FHIT: variants seen among roughly 807,000 people sequenced by gnomAD.
FHIT encodes bis(5'-adenosyl)-triphosphatase.
A neutral mutation model predicts 17.9 loss-of-function variants in FHIT; 19 were observed. The observed-to-expected ratio is 1.06, with a 90% CI of 0.74 to 1.56. The LOEUF (loss-of-function observed/expected upper bound fraction) is 1.56. FHIT is among the 40% of genes most tolerant of loss of function. The probability of loss-of-function intolerance (pLI) is 0.00; values close to 1 mark genes in which losing one functional copy is unlikely to be tolerated. For missense variants in FHIT, 248 were observed against 189.2 expected (o/e 1.31, Z -1.82); for synonymous variants, 81 against 69.7 (o/e 1.16, Z -0.81).
intron 2 of FHIT, among the ~76,000 whole-genome samples, chr3:61,070,514 G>A (rs1484743648): frequency 6.6e-6 from 1 of 152,164 alleles, no homozygotes. Flanking sequence ...GATCTTGGCT[G>A]CTTCTAATTC....
chr3:60,629,689 C>T (rs1408246046), intron 4 of FHIT, among the ~76,000 whole-genome samples: 1 of 152,128 alleles, frequency 6.6e-6, no homozygotes, highest in African/African-American at 2.4e-5. Flanking sequence ...CCGTCACTGG[C>T]CAGATTCTAG....
At chr3:60,526,300 T>C (rs560133234) in intron 5 of FHIT, among the ~76,000 whole-genome samples, 1 of 152,200 alleles carries the variant, frequency 6.6e-6, no homozygotes, top group African/African-American at 2.4e-5. Flanking sequence ...CCCCCGTTTG[T>C]TTCTGAGGAT....
At chr3:60,461,095 C>T (rs187166046) in intron 5 of FHIT, among the ~76,000 whole-genome samples, 9 of 152,166 alleles carry the variant, frequency 5.9e-5, no homozygotes, top group African/African-American at 1.9e-4. Flanking sequence ...TCCCATTTCA[C>T]TATGGTAACT....
chr3:60,031,084 T>A (rs530936317), intron 5 of FHIT, among the ~76,000 whole-genome samples: 1 of 152,206 alleles, frequency 6.6e-6, no homozygotes, highest in African/African-American at 2.4e-5. Context: ...TGCAGCAGCA[T>A]GTGTGAAAAC....
chr3:60,195,090 C>T (rs1702567070), intron 5 of FHIT, among the ~76,000 whole-genome samples: 1 of 152,026 alleles, frequency 6.6e-6, no homozygotes, highest in South Asian at 2.1e-4. Context: ...CACTTGAACC[C>T]AGAAGGCGGA....
intron 4 of FHIT, among the ~76,000 whole-genome samples, chr3:60,755,121 C>G (rs1206262662): frequency 6.6e-6 from 1 of 152,162 alleles, no homozygotes; most frequent in Non-Finnish European, 1.5e-5. Flanking sequence ...CTACCAATAC[C>G]TCAAGGTCCA....
chr3:60,943,262 T>A (rs1429719124), intron 3 of FHIT, among the ~76,000 whole-genome samples: 5 of 152,084 alleles, frequency 3.3e-5, no homozygotes, highest in Non-Finnish European at 7.4e-5. Context: ...ACTGTGTCAA[T>A]TTTTACTTTC....
intron 7 of FHIT, among the ~76,000 whole-genome samples, chr3:59,926,941 T>A (rs1391490827): frequency 6.6e-6 from 1 of 152,032 alleles, no homozygotes; most frequent in South Asian, 2.1e-4. Context: ...GAACATGGAG[T>A]TACCTTGTGA....
At chr3:61,141,290 C>T (rs1227837995) in intron 2 of FHIT, among the ~76,000 whole-genome samples, 1 of 152,082 alleles carries the variant, frequency 6.6e-6, no homozygotes, top group Non-Finnish European at 1.5e-5. Flanking sequence ...TGCTTCCTTC[C>T]ACCTATTGTG....
rs563585066 is a variant in FHIT, at chr3:60,601,651, T to A, written c.-17-64672A>T. ...ATGACTACCATGCAAACTTACTACC[T>A]GAATGAGGAGAGGGTGGGGAATGGC... is the stretch of plus-strand genomic sequence containing the variant. On this transcript the variant is annotated intron_variant, in intron 4 of 9. Transcript: ENST00000492590. Among the ~76,000 whole-genome samples the A allele has an allele frequency of 1.2e-4, 19 of 152,096 alleles. No homozygotes were observed. In the East Asian group the frequency reaches 3.5e-3, roughly 28 times the overall value.
At chr3:60,695,284 T>C (rs1188569223) in intron 4 of FHIT, among the ~76,000 whole-genome samples, 2 of 152,028 alleles carry the variant, frequency 1.3e-5, no homozygotes, top group Non-Finnish European at 1.5e-5. Flanking sequence ...TAATCTCAGC[T>C]ACTTGGGAGG....
intron 8 of FHIT, among the ~76,000 whole-genome samples, chr3:59,874,104 C>T (rs1214035621): frequency 6.6e-6 from 1 of 152,054 alleles, no homozygotes; most frequent in Non-Finnish European, 1.5e-5. Flanking sequence ...CTATCCTCGC[C>T]TCTCAAAAAA....
chr3:61,219,917 G>C (rs1576249061), intron 1 of FHIT, among the ~76,000 whole-genome samples: 2 of 152,156 alleles, frequency 1.3e-5, no homozygotes, highest in Non-Finnish European at 2.9e-5. Context: ...TCTTATCCCA[G>C]TAGAAACCTT....
At chr3:60,548,968 G>T (rs573246231) in intron 4 of FHIT, among the ~76,000 whole-genome samples, 2 of 152,278 alleles carry the variant, frequency 1.3e-5, no homozygotes, top group East Asian at 3.9e-4. Flanking sequence ...ACTCAGGCAA[G>T]TTCCTTAGCT....
At chr3:61,208,120 T>C (rs146317771) in intron 1 of FHIT, among the ~76,000 whole-genome samples, 65,751 of 151,904 alleles carry the variant, frequency 0.43, 14,634 homozygotes, top group East Asian at 0.58. Flanking sequence ...TGTAATTGAG[T>C]GGTTTTGAGT....
intron 8 of FHIT, among the ~76,000 whole-genome samples, chr3:59,921,818 T>C (rs1366622385): frequency 2.0e-5 from 3 of 152,214 alleles, no homozygotes; most frequent in Admixed American, 1.3e-4. Flanking sequence ...TGGGAGTACT[T>C]AGAAATAAAT....
In FHIT at chr3:60,726,185, G is replaced by A. The variant is rs115305101; in HGVS notation, c.-18+95734C>T. Among the ~76,000 whole-genome samples, 339 of 152,198 alleles carry A rather than the reference G, an allele frequency of 2.2e-3. 1 individual carries two copies. Among genetic ancestry groups the A allele is most frequent in the African/African-American group, 7.8e-3 (325 of 41,546 alleles). Reference sequence around the variant, plus strand: ...TCCCCTTCTAACTCAACAAAGGGTAGGAAATCTTATCACTCAAGATATCAA... The same window carrying A: ...TCCCCTTCTAACTCAACAAAGGGTAAGAAATCTTATCACTCAAGATATCAA... On this transcript the variant is annotated intron_variant, in intron 4 of 9. Coordinates refer to ENST00000492590, the MANE Select transcript of FHIT (RefSeq NM_002012.4).
At chr3:60,027,738 A>G (rs561860418) in intron 5 of FHIT, among the ~76,000 whole-genome samples, 114 of 149,756 alleles carry the variant, frequency 7.6e-4, no homozygotes, top group African/African-American at 2.6e-3. Context: ...AAAAAAAAGA[A>G]TAATTCAGAT....
chr3:59,860,547 A>C (rs964579373), intron 8 of FHIT, among the ~76,000 whole-genome samples: 1 of 152,240 alleles, frequency 6.6e-6, no homozygotes, highest in Non-Finnish European at 1.5e-5. Context: ...CACACCCTTC[A>C]TCAACACCCT....
Sources: allele counts gnomAD v4.1 joint callset (sites outside exome capture counted in the v4.1 genomes callset), GRCh38; gene constraint gnomAD v4.1.1; transcripts MANE v1.5; gene names NCBI Gene and HGNC (gene_info 2026-07-23, HGNC 2026-07-21).